Variants in DAB1 observed in about 807,000 individuals in gnomAD.
DAB1 encodes the protein DAB adaptor protein 1.
A neutral mutation model predicts 64.6 loss-of-function variants in DAB1; 15 were observed. The observed-to-expected ratio is 0.23, with a 90% CI of 0.16 to 0.36. The LOEUF (loss-of-function observed/expected upper bound fraction) is 0.36. Among genes scored for constraint, DAB1 ranks in the 10% least tolerant of loss-of-function variants. DAB1 has a pLI of 1.00. For missense variants in DAB1, 596 were observed against 706.7 expected, an observed-to-expected ratio of 0.84 and a Z score of 1.78; for synonymous variants, 235 against 251.9, an observed-to-expected ratio of 0.93 and a Z score of 0.64.
chr1:57,345,859 CT>C (rs1678037055), intron 1 of DAB1, among the ~76,000 whole-genome samples: 1 of 152,170 alleles, frequency 6.6e-6, no homozygotes, highest in Non-Finnish European at 1.5e-5. Flanking sequence ...TTGCATTGTA[CT>C]CTAATCCCTC....
At chr1:57,974,812 A>G (rs1386729747) in intron 5 of DAB1, among the ~76,000 whole-genome samples, 1 of 152,162 alleles carries the variant, frequency 6.6e-6, no homozygotes, top group Non-Finnish European at 1.5e-5. Flanking sequence ...AATACTCCAT[A>G]CATGATTATT....
intron 7 of DAB1, among the ~76,000 whole-genome samples, chr1:57,642,098 T>C (rs575737142): frequency 6.6e-6 from 1 of 152,282 alleles, no homozygotes. Context: ...AAGTGCTCAG[T>C]GATTTTTTTT....
At chr1:58,301,197 T>G in intron 4 of DAB1, among the ~76,000 whole-genome samples, 1 of 124,902 alleles carries the variant, frequency 8.0e-6, no homozygotes, top group African/African-American at 3.1e-5. Flanking sequence ...TATGCTAGGT[T>G]CAAGACTAAC....
At chr1:57,901,724 T>A (rs1379488220) in intron 5 of DAB1, among the ~76,000 whole-genome samples, 1 of 152,142 alleles carries the variant, frequency 6.6e-6, no homozygotes, top group Non-Finnish European at 1.5e-5. Flanking sequence ...GCTGAATTCA[T>A]GGCTTGTTAG....
At chr1:57,916,456 T>A (rs1644728415) in intron 5 of DAB1, among the ~76,000 whole-genome samples, 1 of 152,224 alleles carries the variant, frequency 6.6e-6, no homozygotes, top group Admixed American at 6.5e-5. Flanking sequence ...TTTCAATCTT[T>A]CCAAATTCTA....
intron 3 of DAB1, among the ~76,000 whole-genome samples, chr1:58,457,133 G>A (rs535118893): frequency 6.6e-6 from 1 of 152,170 alleles, no homozygotes; most frequent in East Asian, 1.9e-4. Context: ...GTAGAAAATC[G>A]AGGTCTCAGG....
Position 57,292,157 on chromosome 1 carries a change from T to C in DAB1, c.-136-991A>G, listed in dbSNP as rs17455728. The stretch of plus-strand genomic sequence containing the variant: ...CTTAGTTCATCCCACAGATGTAGAA[T>C]GGTTTAATAGAAAACGACTGACCTC... On this transcript the variant is annotated intron_variant, in intron 1 of 14. Coordinates refer to ENST00000371236, the MANE Select transcript of DAB1 (RefSeq NM_001365792.1). 8.1e-3 allele frequency among the ~76,000 whole-genome samples: 1,239 copies of C among 152,276 alleles called. 31 individuals are homozygous for C. The highest frequency in any genetic ancestry group is 0.08 in the East Asian group (414 of 5,174).
chr1:58,117,664 C>T (rs150228986), intron 5 of DAB1, among the ~76,000 whole-genome samples: 8 of 152,230 alleles, frequency 5.3e-5, no homozygotes, highest in African/African-American at 1.9e-4. Context: ...AATATATAGT[C>T]CTGAAGGCAA....
intron 5 of DAB1, among the ~76,000 whole-genome samples, chr1:57,968,292 G>A (rs1645717505): frequency 6.6e-6 from 1 of 152,148 alleles, no homozygotes; most frequent in Non-Finnish European, 1.5e-5. Flanking sequence ...ATCAACAGAG[G>A]TATAATTTTC....
intron 4 of DAB1, among the ~76,000 whole-genome samples, chr1:58,297,096 A>G (rs185184673): frequency 3.5e-4 from 53 of 152,288 alleles, no homozygotes; most frequent in African/African-American, 1.1e-3. Flanking sequence ...ACAACCTTGC[A>G]AGGTAAGTAG....
At chr1:57,938,506 G>A (rs1645059172) in intron 5 of DAB1, among the ~76,000 whole-genome samples, 1 of 151,926 alleles carries the variant, frequency 6.6e-6, no homozygotes, top group Admixed American at 6.6e-5. Context: ...GTTTTATAAG[G>A]GTCTCTTCCC....
At chr1:57,497,116 C>T (rs1386276773) in intron 7 of DAB1, among the ~76,000 whole-genome samples, 2 of 152,242 alleles carry the variant, frequency 1.3e-5, no homozygotes, top group African/African-American at 4.8e-5. Context: ...TGCTCACATG[C>T]TACTTCCTCA....
At chr1:57,097,155 A>G (rs1012535876) in intron 4 of DAB1, among the ~76,000 whole-genome samples, 3 of 152,258 alleles carry the variant, frequency 2.0e-5, no homozygotes, top group Non-Finnish European at 4.4e-5. Flanking sequence ...AAAGGAGTAA[A>G]GAATGAATGA....
intron 5 of DAB1, among the ~76,000 whole-genome samples, chr1:58,130,957 A>T (rs1432406850): frequency 1.2e-4 from 16 of 139,092 alleles, no homozygotes; most frequent in East Asian, 2.2e-4. Context: ...CTTCTCGAGG[A>T]GTATCTTTGT....
chr1:58,236,406 G>A (rs996188729), intron 4 of DAB1, among the ~76,000 whole-genome samples: 2 of 151,900 alleles, frequency 1.3e-5, no homozygotes, highest in African/African-American at 4.8e-5. Flanking sequence ...GACGAGTGTC[G>A]ATCGGAAAGA....
intron 4 of DAB1, among the ~76,000 whole-genome samples, chr1:57,123,349 C>G (rs975305722): frequency 2.0e-5 from 3 of 152,102 alleles, no homozygotes; most frequent in Non-Finnish European, 4.4e-5. Flanking sequence ...TATAAAAGCC[C>G]TACTTTACAA....
chr1:57,008,317 T>G (rs1259146274), intron 14 of DAB1, among the ~76,000 whole-genome samples: 1 of 152,078 alleles, frequency 6.6e-6, no homozygotes, highest in Non-Finnish European at 1.5e-5. Context: ...GAAGACAAAG[T>G]ACAAAGCAAA....
intron 3 of DAB1, among the ~76,000 whole-genome samples, chr1:58,422,871 G>A (rs1644785678): frequency 6.6e-6 from 1 of 152,150 alleles, no homozygotes; most frequent in Non-Finnish European, 1.5e-5. Flanking sequence ...AGCAGCAGAA[G>A]CAAGGCTTCT....
At chr1:57,506,981 C>T (rs1302237675) in intron 7 of DAB1, among the ~76,000 whole-genome samples, 1 of 152,266 alleles carries the variant, frequency 6.6e-6, no homozygotes, top group East Asian at 1.9e-4. Context: ...CAACAAGCTC[C>T]TAATTAGTCT....
Sources: allele counts gnomAD v4.1 joint callset (sites outside exome capture counted in the v4.1 genomes callset), GRCh38; gene constraint gnomAD v4.1.1; transcripts MANE v1.5; gene names NCBI Gene and HGNC (gene_info 2026-07-23, HGNC 2026-07-21).